The following FGF14 variants were observed in gnomAD, a reference collection of about 807,000 sequenced individuals.
FGF14 encodes the protein fibroblast growth factor 14.
A neutral mutation model predicts 25.5 loss-of-function variants in FGF14; 5 were observed. That is an observed-to-expected ratio of 0.20 (90% CI 0.10 to 0.41). The LOEUF (loss-of-function observed/expected upper bound fraction) is 0.41. Among genes scored for constraint, FGF14 ranks in the 10% least tolerant of loss-of-function variants. FGF14 has a pLI of 1.00. For missense variants in FGF14, 222 were observed against 320.1 expected (o/e 0.69, Z 2.34); for synonymous variants, 138 against 118.3 (o/e 1.17, Z -1.08).
intron 1 of FGF14, among the ~76,000 whole-genome samples, chr13:102,276,316 C>CACAT (rs1309631119): frequency 8.1e-6 from 1 of 123,458 alleles, no homozygotes; most frequent in Non-Finnish European, 1.7e-5. Flanking sequence ...CACACACACA[C>CACAT]ACACACACAC....
chr13:102,352,886 C>CCT (rs1275575509), intron 1 of FGF14, among the ~76,000 whole-genome samples: 3 of 151,562 alleles, frequency 2.0e-5, no homozygotes, highest in Non-Finnish European at 4.4e-5. Flanking sequence ...GAAAAGTTTT[C>CCT]CTCTCAAAAT....
In FGF14 at chr13:102,122,500, C is replaced by T. The variant is rs150837381; in HGVS notation, c.209-247204G>A. Among the ~76,000 whole-genome samples, 437 of 152,256 alleles carry T rather than the reference C, an allele frequency of 2.9e-3. 3 individuals carry two copies. The highest frequency in any genetic ancestry group is 0.027 in the Admixed American group (413 of 15,292). ...AGCGGGAGTAGCTCATCATATAGAGCGCTCTCCCCAAAATAACCAGTCTTC... is the reference window on the plus strand; with the variant it reads ...AGCGGGAGTAGCTCATCATATAGAGTGCTCTCCCCAAAATAACCAGTCTTC... On this transcript the variant is annotated intron_variant, in intron 1 of 4. Transcript: ENST00000376131.
At position 102,022,817 on chromosome 13, in the gene FGF14, G is replaced by A. The variant is rs141900822; in HGVS notation, c.209-147521C>T. ...TTAATAAACATTGTATTCCGTGTAA[G>A]TGCTTAATGTGTTAGATTTCAGCAT... On this transcript the variant is annotated intron_variant, in intron 1 of 4. Transcript: ENST00000376131. 2.1e-3 allele frequency among the ~76,000 whole-genome samples: 320 copies of A among 152,122 alleles called. 1 individual carries two copies. Among genetic ancestry groups the A allele is most frequent in the African/African-American group, 7.5e-3 (310 of 41,516 alleles).
intron 1 of FGF14, among the ~76,000 whole-genome samples, chr13:102,003,692 T>G (rs1258240047): frequency 1.3e-5 from 2 of 151,692 alleles, no homozygotes; most frequent in African/African-American, 4.8e-5. Context: ...ATTTGGGCAT[T>G]GGGAACAATT....
chr13:102,096,001 G>GTGTGTGTATA (rs143224591), intron 1 of FGF14, among the ~76,000 whole-genome samples: 37 of 135,046 alleles, frequency 2.7e-4, no homozygotes, highest in Middle Eastern at 3.9e-3. Context: ...GTGTGTGTGT[G>GTGTGTGTATA]TATATATATA....
At chr13:102,216,806 T>C (rs1415053) in intron 1 of FGF14, among the ~76,000 whole-genome samples, 124,811 of 152,088 alleles carry the variant, frequency 0.82, 51,831 homozygotes, top group African/African-American at 0.95. Flanking sequence ...CACCATCCTC[T>C]TCCTCCCCTG....
At chr13:102,004,425 G>A (rs2039672058) in intron 1 of FGF14, among the ~76,000 whole-genome samples, 1 of 152,114 alleles carries the variant, frequency 6.6e-6, no homozygotes, top group Admixed American at 6.6e-5. Flanking sequence ...AGTGTGACTG[G>A]GAGCCTTCTT....
At chr13:101,901,474 C>T (rs1229457628) in intron 1 of FGF14, among the ~76,000 whole-genome samples, 3 of 151,868 alleles carry the variant, frequency 2.0e-5, no homozygotes, top group African/African-American at 4.8e-5. Context: ...GAGGCCGGGG[C>T]GGGTGGGTCA....
At chr13:101,865,332 G>A (rs979481698) in intron 3 of FGF14, among the ~76,000 whole-genome samples, 1 of 152,070 alleles carries the variant, frequency 6.6e-6, no homozygotes, top group Non-Finnish European at 1.5e-5. Flanking sequence ...AGTGATAAGT[G>A]GTTAAAGTAC....
chr13:102,317,415 A>T (rs1004366844), intron 1 of FGF14, among the ~76,000 whole-genome samples: 5 of 152,200 alleles, frequency 3.3e-5, no homozygotes, highest in African/African-American at 1.2e-4. Flanking sequence ...TATAGATATT[A>T]TGAACCAACT....
chr13:102,013,408 C>G (rs2040182095), intron 1 of FGF14, among the ~76,000 whole-genome samples: 2 of 152,202 alleles, frequency 1.3e-5, no homozygotes, highest in Non-Finnish European at 2.9e-5. Flanking sequence ...GCATGTATTA[C>G]AGTTTTTCTA....
chr13:101,775,863 G>A (rs1157442674), intron 3 of FGF14, among the ~76,000 whole-genome samples: 3 of 152,084 alleles, frequency 2.0e-5, no homozygotes, highest in South Asian at 2.1e-4. Context: ...TATCAATTAC[G>A]CACATGAGCT....
chr13:101,791,775 G>A (rs1285459492), intron 3 of FGF14, among the ~76,000 whole-genome samples: 2 of 126,826 alleles, frequency 1.6e-5, no homozygotes, highest in African/African-American at 5.1e-5. Flanking sequence ...GAAACCCACA[G>A]TGTAAAAATG....
intron 1 of FGF14, among the ~76,000 whole-genome samples, chr13:102,029,857 C>T (rs1163591190): frequency 6.6e-6 from 1 of 152,032 alleles, no homozygotes; most frequent in African/African-American, 2.4e-5. Context: ...CATTATTTAA[C>T]ACATCTTGTG....
chr13:102,317,668 G>C (rs72647476), intron 1 of FGF14, among the ~76,000 whole-genome samples: 6,782 of 152,170 alleles, frequency 0.045, 253 homozygotes, highest in East Asian at 0.14. Flanking sequence ...GAACCAAGGA[G>C]AGCAGCAGAT....
At chr13:102,230,067 G>T (rs150992713) in intron 1 of FGF14, among the ~76,000 whole-genome samples, 156 of 152,268 alleles carry the variant, frequency 1.0e-3, no homozygotes, top group African/African-American at 3.7e-3. Context: ...GGGAATTTGG[G>T]GAGGAGATTG....
chr13:102,235,244 T>C (rs566980194), intron 1 of FGF14, among the ~76,000 whole-genome samples: 2 of 152,380 alleles, frequency 1.3e-5, no homozygotes, highest in East Asian at 1.9e-4. Flanking sequence ...AACAATATGA[T>C]CCATTAATCA....
chr13:102,098,374 C>CA (rs2044505313), intron 1 of FGF14, among the ~76,000 whole-genome samples: 2 of 152,160 alleles, frequency 1.3e-5, no homozygotes, highest in Non-Finnish European at 2.9e-5. Flanking sequence ...TTGTATCTTA[C>CA]AAAGGATCTA....
At chr13:101,766,543 A>G (rs1296827025) in intron 3 of FGF14, among the ~76,000 whole-genome samples, 1 of 152,238 alleles carries the variant, frequency 6.6e-6, no homozygotes, top group East Asian at 1.9e-4. Flanking sequence ...AGGAGTTCTC[A>G]GAAGAGTGTT....
Sources: gnomAD v4.1 joint callset for allele counts (sites outside exome capture counted in the v4.1 genomes callset) on GRCh38, gnomAD v4.1.1 for gene constraint, MANE v1.5 for transcripts, NCBI Gene and HGNC (gene_info 2026-07-23, HGNC 2026-07-21) for gene names.